Variants in SH3D19 observed in about 807,000 individuals in gnomAD.
SH3D19 encodes SH3 domain containing 19, also known as SH3 domain-containing protein 19.
A neutral mutation model predicts 112.1 loss-of-function variants in SH3D19; 58 were observed. The observed-to-expected ratio is 0.52, with a 90% CI of 0.42 to 0.64. The LOEUF (loss-of-function observed/expected upper bound fraction) is 0.64, where lower values mean the gene tolerates loss of function less well. Ranked by LOEUF, SH3D19 falls within the 30% of genes least tolerant of loss-of-function variation. SH3D19 has a pLI of 0.00. For missense variants in SH3D19, 1,090 were observed against 1,263.4 expected (o/e 0.86, Z 2.08); for synonymous variants, 391 against 448.5 (o/e 0.87, Z 1.62).
chr4:151,277,160 T>TGAG, intron 1 of SH3D19: 1 of 1,440,648 alleles, frequency 6.9e-7, no homozygotes, highest in Non-Finnish European at 9.2e-7. Flanking sequence ...TCACTGGCTC[T>TGAG]GAGGACAGAG....
At chr4:151,157,801 C>T (rs1756402819) in intron 9 of SH3D19, among the ~76,000 whole-genome samples, 1 of 151,198 alleles carries the variant, frequency 6.6e-6, no homozygotes, top group Non-Finnish European at 1.5e-5. Context: ...ATAAATGGAA[C>T]TGGAGGATAT....
At chr4:151,315,621 A>G (rs1729904838) in intron 1 of SH3D19, among the ~76,000 whole-genome samples, 1 of 152,138 alleles carries the variant, frequency 6.6e-6, no homozygotes, top group South Asian at 2.1e-4. Context: ...GACAATCCTA[A>G]TCAGATCTTT....
chr4:151,297,483 T>C (rs1775787785), intron 1 of SH3D19, among the ~76,000 whole-genome samples: 1 of 152,176 alleles, frequency 6.6e-6, no homozygotes, highest in South Asian at 2.1e-4. Context: ...TACTCTGCTT[T>C]TAGTGAAAAT....
intron 1 of SH3D19, among the ~76,000 whole-genome samples, chr4:151,286,121 C>T (rs1457041908): frequency 2.3e-5 from 3 of 132,992 alleles, no homozygotes; most frequent in African/African-American, 8.4e-5. Context: ...TTCAAGGCTG[C>T]AGTGAGCTAT....
chr4:151,201,828 A>G (rs56211124), intron 2 of SH3D19, among the ~76,000 whole-genome samples: 107 of 151,220 alleles, frequency 7.1e-4, no homozygotes, highest in Non-Finnish European at 1.4e-3. Flanking sequence ...CTGGGCCAAC[A>G]TGGCGAAACT....
At chr4:151,150,230 C>CACACACATATATATAT (rs1754736066) in intron 9 of SH3D19, among the ~76,000 whole-genome samples, 1 of 30,584 alleles carries the variant, frequency 3.3e-5, no homozygotes, top group African/African-American at 6.2e-5. Context: ...TATATATATA[C>CACACACATATATATAT]ACACACACAT....
intron 1 of SH3D19, among the ~76,000 whole-genome samples, chr4:151,237,642 C>CA (rs1370018819): frequency 6.6e-6 from 1 of 152,088 alleles, no homozygotes; most frequent in African/African-American, 2.4e-5. Flanking sequence ...CTCATCTCAT[C>CA]AAACAGAATG....
chr4:151,148,563 A>T (rs1195093389), intron 10 of SH3D19, among the ~76,000 whole-genome samples: 6 of 152,306 alleles, frequency 3.9e-5, no homozygotes, highest in Non-Finnish European at 8.8e-5. Context: ...AAAGCTTATA[A>T]TAAGATACGA....
At chr4:151,159,212 T>C (rs1756710220) in intron 9 of SH3D19, 28 bp downstream of exon 9, 1 of 1,267,914 alleles carries the variant, frequency 7.9e-7, no homozygotes, top group South Asian at 1.5e-5. Flanking sequence ...ACGTCTTCAA[T>C]CTAGTACAAT....
In SH3D19 at chr4:151,137,714, C is replaced by T; in HGVS notation, c.2427+18G>A. Reference sequence around the variant, plus strand: ...CACTGAGTATATGACCAAATTAAAACAAACACAACCCACTTACAATCACTT... The same window carrying T: ...CACTGAGTATATGACCAAATTAAAATAAACACAACCCACTTACAATCACTT... On this transcript the variant is annotated intron_variant, in intron 14 of 19. Transcript: ENST00000604030. 1 of 1,566,802 alleles carries T rather than the reference C, an allele frequency of 6.4e-7. No homozygotes were observed.
intron 1 of SH3D19, among the ~76,000 whole-genome samples, chr4:151,253,483 G>A (rs1219062971): frequency 6.6e-6 from 1 of 152,242 alleles, no homozygotes; most frequent in Non-Finnish European, 1.5e-5. Context: ...GCTCACGCCT[G>A]TAATCCCAGC....
intron 1 of SH3D19, among the ~76,000 whole-genome samples, chr4:151,323,326 G>T (rs543321965): frequency 6.6e-6 from 1 of 152,284 alleles, no homozygotes; most frequent in Non-Finnish European, 1.5e-5. Flanking sequence ...AAACTGAAAA[G>T]GTGATGCAGA....
chr4:151,135,079 A>G lies in SH3D19; in HGVS notation c.2481T>C (p.Cys827=), dbSNP rs201168788. The G allele has an allele frequency of 6.2e-7, 1 of 1,601,860 alleles. No individual in the cohort carries two copies. Among genetic ancestry groups the G allele is most frequent in the African/African-American group, 1.3e-5 (1 of 74,442 alleles). ...NGKRECVSSH[C]VKGSRCVARF... is the part of the protein sequence containing the mutation. ...AGAACACAAATAAAACTTACTTAACACAATGAGATGAAACACATTCTCTTT... is the reference window on the plus strand; with the variant it reads ...AGAACACAAATAAAACTTACTTAACGCAATGAGATGAAACACATTCTCTTT... The change falls in exon 15 of 20, where the codon TGT becomes TGC. Residue 827 remains cysteine, a synonymous_variant. Transcript: ENST00000604030.
chr4:151,292,342 A>G (rs1209458546), intron 1 of SH3D19, among the ~76,000 whole-genome samples: 1 of 152,042 alleles, frequency 6.6e-6, no homozygotes, highest in Non-Finnish European at 1.5e-5. Context: ...AAATGCATAT[A>G]TGTAGTTCAG....
At chr4:151,324,802 G>C (rs967878905) in intron 1 of SH3D19, among the ~76,000 whole-genome samples, 3 of 151,920 alleles carry the variant, frequency 2.0e-5, no homozygotes, top group Admixed American at 2.0e-4. Context: ...TCACAGGTCC[G>C]AAGTGCAAGG....
intron 1 of SH3D19, among the ~76,000 whole-genome samples, chr4:151,323,446 T>G (rs1450338385): frequency 6.6e-6 from 1 of 152,188 alleles, no homozygotes; most frequent in Non-Finnish European, 1.5e-5. Context: ...TGTGTTAGTG[T>G]CTGAAAAACA....
Position 151,149,556 on chromosome 4 carries a change from G to A in SH3D19, c.1761C>T (p.Ser587=). The stretch of plus-strand genomic sequence containing the variant: ...AACCTCCTGTTTGACCTGGGTGGTT[G>A]GATTCCTGCAAGTAGCAGAGAATGC... ...SNVERTRNLE[S]NHPGQTGGFV... is the part of the protein sequence containing the mutation. Residue 587 remains serine (S), a synonymous_variant, in exon 10 of 20, where the codon TCC becomes TCT. Transcript: ENST00000604030. The A allele has an allele frequency of 6.2e-7, 1 of 1,611,038 alleles. No individual in the cohort carries two copies. Among genetic ancestry groups the A allele is most frequent in the Non-Finnish European group, 8.5e-7 (1 of 1,178,456 alleles).
At chr4:151,183,153 G>A (rs1029643205) in intron 3 of SH3D19, among the ~76,000 whole-genome samples, 1 of 151,732 alleles carries the variant, frequency 6.6e-6, no homozygotes, top group Non-Finnish European at 1.5e-5. Flanking sequence ...CACTGCGCCG[G>A]GTTAATTTTT....
At chr4:151,314,806 T>C (rs746836644) in intron 1 of SH3D19, among the ~76,000 whole-genome samples, 3 of 152,222 alleles carry the variant, frequency 2.0e-5, no homozygotes, top group Non-Finnish European at 4.4e-5. Flanking sequence ...TGCTCCACTA[T>C]TCTCAGTGCT....
Sources: allele counts gnomAD v4.1 joint callset (sites outside exome capture counted in the v4.1 genomes callset), GRCh38; gene constraint gnomAD v4.1.1; transcripts MANE v1.5; gene names NCBI Gene and HGNC (gene_info 2026-07-23, HGNC 2026-07-21).